CELF4: variants seen among roughly 807,000 people sequenced by gnomAD.
CELF4 encodes the protein CUG-BP- and ETR-3-like factor 4.
CELF4 carries 18 observed loss-of-function variants against 59.9 expected under a neutral mutation model. The ratio of observed to expected loss-of-function variants is 0.30; its 90% CI spans 0.21 to 0.45. The LOEUF (loss-of-function observed/expected upper bound fraction) is 0.45. Among genes scored for constraint, CELF4 ranks in the 20% least tolerant of loss-of-function variants. The pLI, the probability that CELF4 is intolerant of heterozygous loss-of-function variation, is 1.00. For missense variants in CELF4, 456 were observed against 689.0 expected (o/e 0.66, Z 3.79); for synonymous variants, 261 against 267.1 (o/e 0.98, Z 0.22).
intron 8 of CELF4, 55 bp downstream of exon 8, chr18:37,270,713 A>G: frequency 6.2e-7 from 1 of 1,602,678 alleles, no homozygotes; most frequent in African/African-American, 1.3e-5. Context: ...GGGCAGGGAC[A>G]GCATGGATAA....
intron 2 of CELF4, among the ~76,000 whole-genome samples, chr18:37,346,548 G>A (rs902997291): frequency 4.6e-5 from 7 of 152,196 alleles, no homozygotes; most frequent in African/African-American, 9.7e-5. Flanking sequence ...ATGAAGACAC[G>A]CCAGGAGGTG....
chr18:37,506,144 A>G (rs1331044912), intron 1 of CELF4, among the ~76,000 whole-genome samples: 1 of 151,942 alleles, frequency 6.6e-6, no homozygotes, highest in Non-Finnish European at 1.5e-5. Context: ...TGAGCAGAAA[A>G]ACAAATCAAA....
chr18:37,412,706 G>T (rs1232458910), intron 2 of CELF4, among the ~76,000 whole-genome samples: 1 of 152,156 alleles, frequency 6.6e-6, no homozygotes, highest in South Asian at 2.1e-4. Flanking sequence ...ATGAATGGAT[G>T]TTACTTCTGC....
chr18:37,545,851 G>T (rs1490327187), intron 1 of CELF4, among the ~76,000 whole-genome samples: 3 of 152,088 alleles, frequency 2.0e-5, no homozygotes, highest in African/African-American at 7.2e-5. Flanking sequence ...TCTTCTTCCG[G>T]TCTCCCAGGG....
rs2060793279 is a variant in CELF4 at position 37,243,101 on chromosome 18, A to G, written c.*2141T>C. 6.6e-6 allele frequency: 1 copy of G among 151,878 alleles called. No individual in the cohort carries two copies. Among genetic ancestry groups the G allele is most frequent in the Admixed American group, 6.6e-5 (1 of 15,264 alleles). 9.4% of individuals were successfully genotyped at this position (151,878 alleles called of 1,614,324 possible). A position where few individuals can be genotyped will look rare whatever the true frequency, so the allele number is the denominator to read the frequency against. On this transcript the variant is annotated 3_prime_UTR_variant, in exon 13 of 13. Coordinates refer to ENST00000420428, the MANE Select transcript of CELF4 (RefSeq NM_020180.4). The stretch of plus-strand genomic sequence containing the variant: ...AGAAAGCGTCATCCAATAGTTACAG[A>G]AGGTTACAAGGAGTTTTAGGGAGTT...
chr18:37,522,779 T>C (rs966466459), intron 1 of CELF4, among the ~76,000 whole-genome samples: 2 of 152,250 alleles, frequency 1.3e-5, no homozygotes, highest in Non-Finnish European at 1.5e-5. Flanking sequence ...CTCTCTTCTC[T>C]GAGCCCACCC....
In CELF4 at chr18:37,275,190, C is replaced by A. The variant is rs761540194; in HGVS notation, c.502G>T (p.Val168Leu). 1 of 1,613,672 alleles carries A rather than the reference C, an allele frequency of 6.2e-7. No homozygotes were observed. The highest frequency in any genetic ancestry group is 1.3e-5 in the African/African-American group (1 of 75,024). Residue 168 changes from valine to leucine, a missense_variant, in exon 4 of 13, where the codon GTG becomes TTG. This residue lies in a region of CELF4 where 56 missense variants were observed against 92.0 expected (regional missense o/e 0.61). Transcript: ENST00000420428. ...CCAAAGGCCTCGAAAAGGCGGCGCA[C>A]GTCGTCCTCGGACTGTTGCTTGTTG... ...MLNKQQSEDD[V>L]RRLFEAFGNI...
In CELF4 at chr18:37,245,658, A is replaced by G. The variant is rs926791002; in HGVS notation, c.*45-461T>C. ...TCCCAGCTCAAGGGAAAGAAGGAAG[A>G]CACATCCGTGACTCAAATTTTGTAG... On this transcript the variant is annotated intron_variant, in intron 12 of 12. Transcript: ENST00000420428. The surrounding 1 kb of genome is among the most constrained non-coding windows in gnomAD (Gnocchi z 4.1). Among the ~76,000 whole-genome samples the G allele has an allele frequency of 1.3e-5, 2 of 152,156 alleles. No homozygotes were observed. The highest frequency in any genetic ancestry group is 4.8e-5 in the African/African-American group (2 of 41,428).
intron 2 of CELF4, among the ~76,000 whole-genome samples, chr18:37,373,407 C>G (rs943237423): frequency 6.6e-6 from 1 of 152,228 alleles, no homozygotes; most frequent in Non-Finnish European, 1.5e-5. Flanking sequence ...CCTGGCCCAT[C>G]ACTACCTGAG....
At chr18:37,280,094 C>T (rs1399149375) in intron 3 of CELF4, among the ~76,000 whole-genome samples, 1 of 152,172 alleles carries the variant, frequency 6.6e-6, no homozygotes, top group East Asian at 1.9e-4. Context: ...GGCATCTTGG[C>T]TCTTTGTCCC....
intron 3 of CELF4, among the ~76,000 whole-genome samples, chr18:37,287,710 G>T (rs781028577): frequency 6.6e-6 from 1 of 152,252 alleles, no homozygotes; most frequent in East Asian, 1.9e-4. Context: ...GAACTCAGAG[G>T]GCCCATGCTT....
intron 2 of CELF4, among the ~76,000 whole-genome samples, chr18:37,385,264 C>T (rs939936554): frequency 2.1e-5 from 3 of 145,830 alleles, no homozygotes; most frequent in Non-Finnish European, 4.5e-5. Flanking sequence ...AGGAGAATCT[C>T]GAATCGCTTG....
chr18:37,312,138 A>C (rs1036634058), intron 3 of CELF4, among the ~76,000 whole-genome samples: 3 of 151,092 alleles, frequency 2.0e-5, no homozygotes, highest in African/African-American at 7.3e-5. Flanking sequence ...AAAGAAAAAA[A>C]AAAAAAGAAG....
At chr18:37,356,978 C>T (rs141384856) in intron 2 of CELF4, among the ~76,000 whole-genome samples, 1 of 152,338 alleles carries the variant, frequency 6.6e-6, no homozygotes, top group East Asian at 1.9e-4. Context: ...GGATCCCAGG[C>T]CCAAGCTGCC....
At chr18:37,470,881 T>TGAGAGA (rs1569569555) in intron 2 of CELF4, among the ~76,000 whole-genome samples, 1 of 80,884 alleles carries the variant, frequency 1.2e-5, no homozygotes, top group African/African-American at 4.4e-5. Flanking sequence ...TGTGTGTGTG[T>TGAGAGA]GTGTGTGACA....
chr18:37,352,892 ATTGGT>A (rs2098471345), intron 2 of CELF4, among the ~76,000 whole-genome samples: 2 of 152,098 alleles, frequency 1.3e-5, no homozygotes, highest in East Asian at 3.9e-4. Context: ...GCGCCTTGCC[ATTGGT>A]GCCCGAATGC....
chr18:37,321,610 A>AC (rs1347695565), intron 3 of CELF4, among the ~76,000 whole-genome samples, 193 bp downstream of exon 3: 2 of 149,416 alleles, frequency 1.3e-5, no homozygotes, highest in Non-Finnish European at 3.0e-5. Flanking sequence ...GACCCCAAAC[A>AC]CCCCCCTTCC....
chr18:37,490,277 G>A (rs777842118), intron 1 of CELF4, among the ~76,000 whole-genome samples: 10 of 152,130 alleles, frequency 6.6e-5, no homozygotes, highest in Non-Finnish European at 1.2e-4. Flanking sequence ...TACGGGGTGG[G>A]GAGTAGGGGG....
At chr18:37,448,783 T>C (rs535560448) in intron 2 of CELF4, among the ~76,000 whole-genome samples, 159 of 152,294 alleles carry the variant, frequency 1.0e-3, no homozygotes, top group African/African-American at 3.7e-3. Context: ...CCTGGTTCCT[T>C]GGAGATGAAA....
Sources: gnomAD v4.1 joint callset for allele counts (sites outside exome capture counted in the v4.1 genomes callset) on GRCh38, gnomAD v4.1.1 for gene constraint, gnomAD v4.1.1 regional missense constraint, Gnocchi (gnomAD v3.1) non-coding constraint, MANE v1.5 for transcripts, NCBI Gene and HGNC (gene_info 2026-07-23, HGNC 2026-07-21) for gene names.